The following EPG5 variants were observed in gnomAD, a reference collection of about 807,000 sequenced individuals.
EPG5 encodes the protein ectopic P granules protein 5 homolog.
Under a neutral mutation model 302.7 loss-of-function variants are expected in EPG5, and 159 were observed. The ratio of observed to expected loss-of-function variants is 0.53; its 90% CI spans 0.46 to 0.60. The LOEUF is 0.60. Among genes scored for constraint, EPG5 ranks in the 20% least tolerant of loss-of-function variants. The pLI is 0.00. For synonymous variants in EPG5, 1,158 were observed against 1,136.8 expected (o/e 1.02, Z -0.37); for missense variants, 2,896 against 3,092.4 (o/e 0.94, Z 1.51).
At chr18:45,917,545 C>G in intron 17 of EPG5, 134 bp downstream of exon 17, 1 of 952,468 alleles carries the variant, frequency 1.0e-6, no homozygotes. Flanking sequence ...AACTGGGGTG[C>G]AGAATATTTT....
At chr18:45,818,327 A>G in the EPG5 span, among the ~76,000 whole-genome samples, 1 of 151,850 alleles carries the variant, frequency 6.6e-6, no homozygotes, top group African/African-American at 2.4e-5. Flanking sequence ...CTGTGAGAAC[A>G]TCTACAGAAT....
chr18:45,899,489 T>C lies in EPG5; in HGVS notation c.4724A>G (p.Asn1575Ser), dbSNP rs753483404. The C allele has an allele frequency of 3.1e-6, 5 of 1,614,198 alleles. No individual in the cohort carries two copies. Among genetic ancestry groups the C allele is most frequent in the Non-Finnish European group, 4.2e-6 (5 of 1,180,040 alleles). Residue 1575 changes from asparagine to serine, a missense_variant, in exon 27 of 44, where the codon AAT becomes AGT. Asn to Ser is a conservative substitution (Grantham distance 46). Transcript: ENST00000282041. ...LLDTMPKQYV[N>S]REEQTTLHLE... is the part of the protein sequence containing the mutation. ...ATGTAGTGTGGTCTGTTCTTCACGA[T>C]TCACATACTGCTTTGGCATTGTGTC...
rs373670238 is a variant in EPG5, at chr18:45,890,469, T to C, written c.4810-529A>G. 1.1e-4 allele frequency among the ~76,000 whole-genome samples: 16 copies of C among 152,270 alleles called. No homozygotes were observed. The East Asian group carries it at 2.5e-3, about 24-fold the overall frequency. ...CAACTCCATGCCAAGGAAAGAGCAATTGGCTAATTCCTAAATTCACCAATT... is the reference window on the plus strand; with the variant it reads ...CAACTCCATGCCAAGGAAAGAGCAACTGGCTAATTCCTAAATTCACCAATT... On this transcript the variant is annotated intron_variant, in intron 27 of 43. Transcript: ENST00000282041.
intron 13 of EPG5, 76 bp from the exon 14 acceptor site, chr18:45,925,978 A>C (rs2050259655): frequency 1.0e-6 from 1 of 955,442 alleles, no homozygotes; most frequent in Non-Finnish European, 1.4e-6. Context: ...TTATATTATT[A>C]AACTGCTTGT....
intron 1 of EPG5, among the ~76,000 whole-genome samples, chr18:45,956,637 G>T (rs1048080900): frequency 6.6e-6 from 1 of 151,860 alleles, no homozygotes; most frequent in African/African-American, 2.4e-5. Flanking sequence ...GTAGAGACGG[G>T]GTTTCACCGT....
the EPG5 span, among the ~76,000 whole-genome samples, chr18:45,839,392 C>G: frequency 5.9e-5 from 9 of 152,186 alleles, no homozygotes; most frequent in Admixed American, 1.3e-4. Context: ...TTTGCTACCA[C>G]CCGGTAAACG....
At position 45,866,940 on chromosome 18, in the gene EPG5, G is replaced by A. The variant is rs774987491; in HGVS notation, c.6479C>T (p.Ser2160Leu). ...SLSWHLVDIV[S>L]YQSVLSYFSS... ...GAAATAACTTAGCACACTCTGGTACGACACAATATCCACAAGATGCCATGA... is the reference window on the plus strand; with the variant it reads ...GAAATAACTTAGCACACTCTGGTACAACACAATATCCACAAGATGCCATGA... The change falls in exon 38 of 44, where the codon TCG (serine) becomes TTG (leucine). Residue 2160 changes from serine (S) to leucine (L), a missense_variant. Ser to Leu is a moderately radical substitution (Grantham distance 145, BLOSUM62 -2). Transcript: ENST00000282041. 10 of 1,613,962 alleles carry A rather than the reference G, an allele frequency of 6.2e-6. No homozygotes were observed. The highest frequency in any genetic ancestry group is 2.2e-5 in the South Asian group (2 of 91,078).
intron 23 of EPG5, among the ~76,000 whole-genome samples, chr18:45,909,612 T>C (rs1176672398): frequency 6.6e-6 from 1 of 152,206 alleles, no homozygotes; most frequent in Non-Finnish European, 1.5e-5. Context: ...AGGAATAGTG[T>C]GAAAGGAATC....
the EPG5 span, among the ~76,000 whole-genome samples, chr18:45,806,623 A>G: frequency 2.0e-5 from 3 of 152,088 alleles, no homozygotes; most frequent in Non-Finnish European, 4.4e-5. Flanking sequence ...GAGAAGACTA[A>G]TACAGGAGAA....
intron 7 of EPG5, among the ~76,000 whole-genome samples, chr18:45,945,806 C>CCACCT (rs1446140482): frequency 2.6e-5 from 4 of 152,166 alleles, no homozygotes; most frequent in Non-Finnish European, 4.4e-5. Context: ...CACCACCTGA[C>CCACCT]CACCTCCTCC....
intron 1 of EPG5, among the ~76,000 whole-genome samples, chr18:45,964,334 G>T (rs1268343940): frequency 6.6e-6 from 1 of 152,124 alleles, no homozygotes; most frequent in Non-Finnish European, 1.5e-5. Flanking sequence ...AGGATTTCTG[G>T]CTTTAACCTG....
intron 36 of EPG5, among the ~76,000 whole-genome samples, chr18:45,868,659 G>A (rs1035304171): frequency 8.0e-5 from 12 of 150,004 alleles, no homozygotes; most frequent in Non-Finnish European, 1.2e-4. Flanking sequence ...GTGAGCCACC[G>A]CGCCCGGCCT....
At chr18:45,965,592 G>A (rs1176670034) in intron 1 of EPG5, among the ~76,000 whole-genome samples, 1 of 152,166 alleles carries the variant, frequency 6.6e-6, no homozygotes, top group African/African-American at 2.4e-5. Context: ...ACAGTATCAT[G>A]CTTAAATTAC....
the EPG5 span, among the ~76,000 whole-genome samples, chr18:45,812,613 C>T: frequency 6.6e-6 from 1 of 152,154 alleles, no homozygotes; most frequent in African/African-American, 2.4e-5. Context: ...GAAATAATGT[C>T]GCATATCTAC....
chr18:45,954,262 T>C (rs1297697851), intron 2 of EPG5, 132 bp downstream of exon 2: 15 of 830,752 alleles, frequency 1.8e-5, no homozygotes, highest in Admixed American at 3.0e-5. Context: ...CATTTGACTT[T>C]GTGATCCCTG....
chr18:45,806,950 G>A, the EPG5 span, among the ~76,000 whole-genome samples: 1 of 152,164 alleles, frequency 6.6e-6, no homozygotes, highest in Non-Finnish European at 1.5e-5. Flanking sequence ...TACTGCAGCT[G>A]GGAGGCAGGT....
rs114756423 is a variant in EPG5, at chr18:45,849,222, C to G, written c.*3245G>C. The G allele has an allele frequency of 6.6e-6, 1 of 152,152 alleles. No homozygotes were observed. Among genetic ancestry groups the G allele is most frequent in the Non-Finnish European group, 1.5e-5 (1 of 68,072 alleles). 9.4% of individuals were successfully genotyped at this position (152,152 alleles called of 1,614,324 possible). A position where few individuals can be genotyped will look rare whatever the true frequency, so the allele number is the denominator to read the frequency against. ...TCTGCCTCAAGGAGGGGCAAGTGAACAGCCCCAGCCTGAACTGCTCTGGAC... is the reference window on the plus strand; with the variant it reads ...TCTGCCTCAAGGAGGGGCAAGTGAAGAGCCCCAGCCTGAACTGCTCTGGAC... On this transcript the variant is annotated 3_prime_UTR_variant, in exon 44 of 44. Coordinates refer to ENST00000282041, the MANE Select transcript of EPG5 (RefSeq NM_020964.3).
intron 27 of EPG5, among the ~76,000 whole-genome samples, chr18:45,891,478 G>A (rs187740902): frequency 2.9e-5 from 4 of 136,064 alleles, no homozygotes; most frequent in Non-Finnish European, 4.6e-5. Context: ...CAACCTGGGC[G>A]ACAGCGTGAG....
chr18:45,914,449 A>G (rs556973900), intron 20 of EPG5, among the ~76,000 whole-genome samples: 1 of 152,262 alleles, frequency 6.6e-6, no homozygotes, highest in African/African-American at 2.4e-5. Flanking sequence ...GATTTAAGAG[A>G]TGAAACAGAC....
Sources: gnomAD v4.1 joint callset for allele counts (sites outside exome capture counted in the v4.1 genomes callset) on GRCh38, gnomAD v4.1.1 for gene constraint, MANE v1.5 for transcripts, NCBI Gene and HGNC (gene_info 2026-07-23, HGNC 2026-07-21) for gene names.